ARK2N: variants seen among roughly 807,000 people sequenced by gnomAD.
ARK2N encodes arkadia (RNF111) N-terminal like PKA signaling regulator 2N.
the ARK2N span, among the ~76,000 whole-genome samples, chr18:46,204,929 CTTT>C: frequency 1.2e-4 from 18 of 145,700 alleles, no homozygotes; most frequent in Admixed American, 4.8e-4. Context: ...TTTCTTTTTT[CTTT>C]TTTTTTTTAT....
chr18:46,239,978 C>T, the ARK2N span: 1 of 1,604,212 alleles, frequency 6.2e-7, no homozygotes. Flanking sequence ...ACGTTAGATA[C>T]AAGTATACAT....
chr18:46,217,217 C>G, the ARK2N span: 2 of 153,086 alleles, frequency 1.3e-5, no homozygotes, highest in East Asian at 3.8e-4. Flanking sequence ...TGTTAGAAAT[C>G]CGCTTGTTCT....
chr18:46,205,499 G>A, the ARK2N span, among the ~76,000 whole-genome samples: 2 of 152,070 alleles, frequency 1.3e-5, no homozygotes, highest in African/African-American at 4.8e-5. Context: ...TGTGTTTTAC[G>A]GGTATGTCTT....
At chr18:46,254,769 C>T in the ARK2N span, among the ~76,000 whole-genome samples, 1 of 152,096 alleles carries the variant, frequency 6.6e-6, no homozygotes, top group Admixed American at 6.6e-5. Context: ...AAAGTCAATA[C>T]CTTTGCAGAA....
At chr18:46,248,276 C>T in the ARK2N span, among the ~76,000 whole-genome samples, 1 of 152,176 alleles carries the variant, frequency 6.6e-6, no homozygotes, top group African/African-American at 2.4e-5. Context: ...ACAACGTCTT[C>T]AGGAACGTCA....
At chr18:46,193,603 T>TTG in the ARK2N span, among the ~76,000 whole-genome samples, 3 of 140,412 alleles carry the variant, frequency 2.1e-5, no homozygotes, top group African/African-American at 8.2e-5. Flanking sequence ...TTTTTTTTTT[T>TTG]TTTTTTTTTT....
the ARK2N span, among the ~76,000 whole-genome samples, chr18:46,229,236 T>C: frequency 6.6e-6 from 1 of 151,342 alleles, no homozygotes; most frequent in East Asian, 1.9e-4. Flanking sequence ...AAAAAAAAAA[T>C]AGATTTTGCT....
chr18:46,212,481 G>T, the ARK2N span, among the ~76,000 whole-genome samples: 1 of 151,742 alleles, frequency 6.6e-6, no homozygotes, highest in African/African-American at 2.4e-5. Flanking sequence ...CATTAAAATT[G>T]CGTGAGAACT....
chr18:46,240,319 C>A, the ARK2N span: 2 of 965,656 alleles, frequency 2.1e-6, no homozygotes, highest in Non-Finnish European at 3.0e-6. Flanking sequence ...TTGGTTGTGA[C>A]TATCCAGGCT....
chr18:46,254,153 T>G, the ARK2N span, among the ~76,000 whole-genome samples: 2 of 152,204 alleles, frequency 1.3e-5, no homozygotes, highest in Non-Finnish European at 2.9e-5. Flanking sequence ...TCTCTCACGT[T>G]TATACTTTCT....
the ARK2N span, among the ~76,000 whole-genome samples, chr18:46,191,382 C>CAA: frequency 6.6e-6 from 1 of 150,790 alleles, no homozygotes; most frequent in Non-Finnish European, 1.5e-5. Context: ...GGGGTCTCTA[C>CAA]AAAACTTCAT....
chr18:46,234,673 T>A, the ARK2N span, among the ~76,000 whole-genome samples: 1 of 152,262 alleles, frequency 6.6e-6, no homozygotes, highest in East Asian at 1.9e-4. Context: ...CCTATTTAGA[T>A]TCCTTGGCTA....
At chr18:46,250,645 CT>C in the ARK2N span, among the ~76,000 whole-genome samples, 3 of 152,024 alleles carry the variant, frequency 2.0e-5, no homozygotes, top group African/African-American at 7.2e-5. Context: ...CATTTCTATA[CT>C]CTGAAAGGAA....
the ARK2N span, chr18:46,265,352 CAGGT>C: frequency 6.6e-6 from 1 of 152,624 alleles, no homozygotes; most frequent in Non-Finnish European, 1.5e-5. Context: ...TTCCACACAG[CAGGT>C]GATTTCCCGT....
chr18:46,194,805 A>ATT, the ARK2N span, among the ~76,000 whole-genome samples: 155 of 126,740 alleles, frequency 1.2e-3, no homozygotes, highest in East Asian at 4.1e-3. Flanking sequence ...AATTTAATTA[A>ATT]TTTTTTTTTT....
the ARK2N span, among the ~76,000 whole-genome samples, chr18:46,200,860 G>A: frequency 6.6e-6 from 1 of 152,066 alleles, no homozygotes; most frequent in Non-Finnish European, 1.5e-5. Context: ...AAAGTGCCTA[G>A]CTCATGCTAA....
the ARK2N span, among the ~76,000 whole-genome samples, chr18:46,262,708 GC>G: frequency 1.3e-5 from 2 of 152,088 alleles, no homozygotes; most frequent in Admixed American, 1.3e-4. Context: ...AAGACCCTTG[GC>G]CTTTTTAAGG....
chr18:46,265,977 A>G, the ARK2N span: 4 of 152,362 alleles, frequency 2.6e-5, no homozygotes, highest in African/African-American at 9.6e-5. Flanking sequence ...TAGCTGTTGC[A>G]TCATCATGAC....
chr18:46,219,245 G>A, the ARK2N span: 6 of 152,096 alleles, frequency 3.9e-5, no homozygotes, highest in African/African-American at 1.4e-4. Context: ...AGGCAGCTTA[G>A]TATCGGCACT....
Sources: gnomAD v4.1 joint callset for allele counts (sites outside exome capture counted in the v4.1 genomes callset) on GRCh38, gnomAD v4.1.1 for gene constraint, MANE v1.5 for transcripts, NCBI Gene and HGNC (gene_info 2026-07-23, HGNC 2026-07-21) for gene names.